Variants in ALPK1 observed in about 807,000 individuals in gnomAD.
The protein encoded by ALPK1 is alpha kinase 1.
In ALPK1, 110 loss-of-function variants were observed where a neutral mutation model predicts 120.6. The ratio of observed to expected loss-of-function variants is 0.91; its 90% CI spans 0.78 to 1.07. The LOEUF is 1.07. Ranked by LOEUF, ALPK1 falls within the 50% of genes least tolerant of loss-of-function variation. The pLI is 0.00. For synonymous variants in ALPK1, 582 were observed against 560.3 expected, an observed-to-expected ratio of 1.04 and a Z score of -0.55; for missense variants, 1,498 against 1,483.9, an observed-to-expected ratio of 1.01 and a Z score of -0.16.
intron 2 of ALPK1, among the ~76,000 whole-genome samples, chr4:112,364,250 T>C (rs1339213589): frequency 6.6e-6 from 1 of 151,198 alleles, no homozygotes; most frequent in Non-Finnish European, 1.5e-5. Context: ...TATATTTATA[T>C]ACAAAAAATA....
Position 112,377,910 on chromosome 4 carries a change from A to T in ALPK1, c.121+12A>T. On this transcript the variant is annotated intron_variant, in intron 3 of 15. Coordinates refer to ENST00000650871, the MANE Select transcript of ALPK1 (RefSeq NM_025144.4). ...CCAGCGCTGCAGAGGTGAGGTTCTG[A>T]TGGGAGGCACCAGGGGTGAACCAGC... 6.3e-7 allele frequency: 1 copy of T among 1,599,156 alleles called. No homozygotes were observed. The highest frequency in any genetic ancestry group is 8.5e-7 in the Non-Finnish European group (1 of 1,169,996).
chr4:112,341,490 T>C (rs1235679745), intron 2 of ALPK1, among the ~76,000 whole-genome samples: 1 of 152,254 alleles, frequency 6.6e-6, no homozygotes. Flanking sequence ...TTCAGTAGTA[T>C]ATAGATTAGG....
chr4:112,304,648 T>C (rs959729707), intron 1 of ALPK1, among the ~76,000 whole-genome samples: 16 of 152,146 alleles, frequency 1.1e-4, no homozygotes, highest in African/African-American at 3.9e-4. Context: ...TTCTGGATAT[T>C]AGCCCTTTGT....
In ALPK1 at chr4:112,297,882, T is replaced by C. The variant is rs113042984; in HGVS notation, c.-153+413T>C. Among the ~76,000 whole-genome samples, 573 of 152,268 alleles carry C rather than the reference T, an allele frequency of 3.8e-3. 6 individuals carry two copies. The highest frequency in any genetic ancestry group is 0.013 in the African/African-American group (542 of 41,548). ...AAAACTCTATGACTTTTGCCTGGAA[T>C]ACATAGGTAATAATAGAAACTACCA... On this transcript the variant is annotated intron_variant, in intron 1 of 15. Coordinates refer to ENST00000650871, the MANE Select transcript of ALPK1 (RefSeq NM_025144.4).
intron 2 of ALPK1, among the ~76,000 whole-genome samples, chr4:112,326,538 G>C (rs1729127498): frequency 6.6e-6 from 1 of 152,178 alleles, no homozygotes; most frequent in Admixed American, 6.5e-5. Flanking sequence ...GAGAGAGAAA[G>C]AAAGGGAGGC....
intron 5 of ALPK1, 78 bp downstream of exon 5, chr4:112,412,103 G>A: frequency 6.4e-7 from 1 of 1,565,380 alleles, no homozygotes. Flanking sequence ...CTTGACCTCT[G>A]TGGGACACCC....
chr4:112,307,878 G>A (rs930687785), intron 1 of ALPK1, among the ~76,000 whole-genome samples: 1 of 152,100 alleles, frequency 6.6e-6, no homozygotes, highest in Admixed American at 6.5e-5. Context: ...TTTTGCAGTG[G>A]CTGGTACTGG....
chr4:112,437,152 A>G (rs1043518281), intron 12 of ALPK1, among the ~76,000 whole-genome samples: 2 of 152,204 alleles, frequency 1.3e-5, no homozygotes, highest in African/African-American at 4.8e-5. Context: ...AAAGCAGTCA[A>G]AGAAAATAGA....
chr4:112,328,820 T>C (rs1344742906), intron 2 of ALPK1, among the ~76,000 whole-genome samples: 3 of 152,342 alleles, frequency 2.0e-5, no homozygotes, highest in African/African-American at 4.8e-5. Flanking sequence ...GGATGTTTTG[T>C]TGATTCTTTC....
At chr4:112,416,718 TAAAC>T (rs956702661) in intron 5 of ALPK1, among the ~76,000 whole-genome samples, 2 of 151,590 alleles carry the variant, frequency 1.3e-5, no homozygotes, top group African/African-American at 4.8e-5. Flanking sequence ...CTACAAAAAA[TAAAC>T]AAAATCAACC....
At chr4:112,319,170 C>T (rs1728758830) in intron 2 of ALPK1, among the ~76,000 whole-genome samples, 1 of 152,184 alleles carries the variant, frequency 6.6e-6, no homozygotes, top group Non-Finnish European at 1.5e-5. Flanking sequence ...AACCCTGAAG[C>T]AGGCAGCAAG....
At chr4:112,383,463 T>C (rs1194628237) in intron 4 of ALPK1, 1 of 152,152 alleles carries the variant, frequency 6.6e-6, no homozygotes, top group Non-Finnish European at 1.5e-5. Context: ...AAAGACCCCC[T>C]GATCTATAGA....
At chr4:112,352,900 CTCTT>C (rs1332633614) in intron 2 of ALPK1, 1 of 149,770 alleles carries the variant, frequency 6.7e-6, no homozygotes, top group Non-Finnish European at 1.5e-5. Flanking sequence ...TCCTTTCTTT[CTCTT>C]TCTTTCTTCC....
chr4:112,358,078 C>T, intron 2 of ALPK1: 1 of 584,136 alleles, frequency 1.7e-6, no homozygotes, highest in Non-Finnish European at 3.3e-6. Flanking sequence ...ACGCATGGAC[C>T]CCCTGGTTGT....
rs910663963 is a variant in ALPK1 at position 112,382,519 on chromosome 4, G to T, written c.243G>T (p.Lys81Asn). ...GCCCAGAGGACAAAACAAACCTGAA[G>T]GATGTGATTGGCGCCGGGTTGCAGC... is the stretch of plus-strand genomic sequence containing the variant. ...AVGPEDKTNL[K>N]DVIGAGLQQL... Residue 81 changes from lysine (K) to asparagine (N), a missense_variant, in exon 4 of 16, where the codon AAG (lysine) becomes AAT (asparagine). Lys to Asn is a moderately conservative substitution (Grantham distance 94). Coordinates refer to ENST00000650871, the MANE Select transcript of ALPK1 (RefSeq NM_025144.4). 4 of 1,614,144 alleles carry T rather than the reference G, an allele frequency of 2.5e-6. No individual in the cohort carries two copies. The East Asian group carries it at 8.9e-5, about 36-fold the overall frequency.
At position 112,431,732 on chromosome 4, in the gene ALPK1, C is replaced by T; in HGVS notation, c.2185C>T (p.Pro729Ser). 6.2e-7 allele frequency: 1 copy of T among 1,614,152 alleles called. No homozygotes were observed. Among genetic ancestry groups the T allele is most frequent in the East Asian group, 2.2e-5 (1 of 44,872 alleles). Residue 729 changes from proline to serine, a missense_variant, in exon 11 of 16, where the codon CCC becomes TCC. Physicochemically the swap from Pro to Ser is moderately conservative, Grantham distance 74 (BLOSUM62 -1). Transcript: ENST00000650871. ...SASWSSDSGR[P>S]KNMGTHPSVQ... is the part of the protein sequence containing the mutation. Reference sequence around the variant, plus strand: ...TTCTTGGTCTTCTGATTCTGGTAGGCCCAAGAATATGGGCACACATCCTTC... The same window carrying T: ...TTCTTGGTCTTCTGATTCTGGTAGGTCCAAGAATATGGGCACACATCCTTC...
intron 1 of ALPK1, among the ~76,000 whole-genome samples, chr4:112,302,141 C>G (rs754345903): frequency 2.0e-5 from 3 of 152,160 alleles, no homozygotes; most frequent in Non-Finnish European, 4.4e-5. Flanking sequence ...GTCAAGACCT[C>G]TAGGTGCTGG....
At chr4:112,434,346 C>T (rs7661772) in intron 11 of ALPK1, among the ~76,000 whole-genome samples, 103,223 of 152,152 alleles carry the variant, frequency 0.68, 35,162 homozygotes, top group African/African-American at 0.73. Flanking sequence ...GCCCAGCCCA[C>T]AGGCATCCCC....
chr4:112,350,204 A>G (rs1367426450), intron 2 of ALPK1, among the ~76,000 whole-genome samples: 5 of 152,186 alleles, frequency 3.3e-5, no homozygotes, highest in South Asian at 4.1e-4. Context: ...TTTGTGGGCT[A>G]TCTCTAACTT....
Sources: gnomAD v4.1 joint callset for allele counts (sites outside exome capture counted in the v4.1 genomes callset) on GRCh38, gnomAD v4.1.1 for gene constraint, MANE v1.5 for transcripts, NCBI Gene and HGNC (gene_info 2026-07-23, HGNC 2026-07-21) for gene names.